Variants in UQCC1 observed in about 807,000 individuals in gnomAD.
UQCC1 encodes bFGF-repressed Zic-binding protein.
UQCC1 carries 38 observed loss-of-function variants against 48.0 expected under a neutral mutation model. The ratio of observed to expected loss-of-function variants is 0.79; its 90% confidence interval spans 0.61 to 1.04. The LOEUF is 1.04. Ranked by LOEUF, UQCC1 falls within the 50% of genes least tolerant of loss-of-function variation. UQCC1 has a pLI of 0.00. For synonymous variants in UQCC1, 111 were observed against 129.2 expected (o/e 0.86, Z 0.95); for missense variants, 368 against 381.8 (o/e 0.96, Z 0.30).
chr20:35,405,707 G>A (rs1301368245), intron 1 of UQCC1, among the ~76,000 whole-genome samples: 1 of 152,154 alleles, frequency 6.6e-6, no homozygotes, highest in Non-Finnish European at 1.5e-5. Context: ...GGCCAACATG[G>A]TGAAACCCCA....
At chr20:35,335,907 G>C (rs1354241841) in intron 7 of UQCC1, among the ~76,000 whole-genome samples, 1 of 152,194 alleles carries the variant, frequency 6.6e-6, no homozygotes, top group African/African-American at 2.4e-5. Flanking sequence ...GCTAGGCGTG[G>C]TGGCTTATGC....
At chr20:35,344,902 G>A (rs1010026013) in intron 7 of UQCC1, 5 of 152,260 alleles carry the variant, frequency 3.3e-5, no homozygotes, top group African/African-American at 1.2e-4. Flanking sequence ...CAACCTCCAA[G>A]GAGGGCAGAG....
chr20:35,346,567 C>G (rs1017081267), intron 7 of UQCC1: 1 of 163,194 alleles, frequency 6.1e-6, no homozygotes, highest in Non-Finnish European at 1.4e-5. Context: ...GTATAACCAG[C>G]TATATTCTAG....
At chr20:35,393,991 G>A (rs940083991) in intron 2 of UQCC1, 101 bp downstream of exon 2, 8 of 1,155,884 alleles carry the variant, frequency 6.9e-6, no homozygotes, top group Non-Finnish European at 1.0e-5. Context: ...GTCTCATGAG[G>A]TTTTTCCATC....
intron 2 of UQCC1, among the ~76,000 whole-genome samples, chr20:35,388,027 C>T (rs1294062600): frequency 6.6e-6 from 1 of 151,522 alleles, no homozygotes; most frequent in African/African-American, 2.4e-5. Context: ...TGTGCCCAGG[C>T]TGGAATGCGG....
At position 35,336,574 on chromosome 20, in the gene UQCC1, G is replaced by C. The variant is rs374993354; in HGVS notation, c.573+10590C>G. On this transcript the variant is annotated intron_variant, in intron 7 of 9. Transcript: ENST00000374385. ...CAGCAGCCACCAAGAGCTGGAAGGGGCAAGAGTCTCCCCTAGAACCTCCAG... is the reference window on the plus strand; with the variant it reads ...CAGCAGCCACCAAGAGCTGGAAGGGCCAAGAGTCTCCCCTAGAACCTCCAG... Among the ~76,000 whole-genome samples, 3 of 152,196 alleles carry C rather than the reference G, an allele frequency of 2.0e-5. No homozygotes were observed. The South Asian group carries it at 6.2e-4, about 32-fold the overall frequency.
intron 7 of UQCC1, chr20:35,345,407 T>A (rs1041326461): frequency 6.6e-6 from 1 of 152,212 alleles, no homozygotes; most frequent in African/African-American, 2.4e-5. Context: ...CTCTCCAGAA[T>A]TGACTGCCTG....
rs372693374 is a variant in UQCC1 at position 35,307,221 on chromosome 20, T to C, written c.652-442A>G. 233 of 268,980 alleles carry C rather than the reference T, an allele frequency of 8.7e-4. 1 individual carries two copies. The highest frequency in any genetic ancestry group is 5.0e-3 in the African/African-American group (227 of 45,402). 16.7% of individuals were successfully genotyped at this position (268,980 alleles called of 1,614,324 possible). ...TTTCTCCCAGGAATGGAGGTGGGCA[T>C]GGACTGTGCCTTCTTGCTTGGTCCA... On this transcript the variant is annotated intron_variant, in intron 8 of 9. Coordinates refer to ENST00000374385, the MANE Select transcript of UQCC1 (RefSeq NM_018244.5).
At chr20:35,321,656 A>G (rs1475236199) in intron 7 of UQCC1, among the ~76,000 whole-genome samples, 2 of 152,208 alleles carry the variant, frequency 1.3e-5, no homozygotes, top group Admixed American at 6.5e-5. Flanking sequence ...GGAGTTCAAG[A>G]CTAGCCTGGA....
chr20:35,382,132 G>A, intron 3 of UQCC1, 107 bp from the exon 4 acceptor site: 4 of 633,458 alleles, frequency 6.3e-6, no homozygotes, highest in Non-Finnish European at 1.1e-5. Context: ...ATACAGTCAG[G>A]GTCTCCTCCC....
At chr20:35,404,074 A>G (rs11908107) in intron 1 of UQCC1, among the ~76,000 whole-genome samples, 1,938 of 152,072 alleles carry the variant, frequency 0.013, 43 homozygotes, top group African/African-American at 0.045. Context: ...CATCTCTACT[A>G]AAAATACAAA....
At chr20:35,385,755 T>C (rs1227773534) in intron 2 of UQCC1, among the ~76,000 whole-genome samples, 1 of 151,998 alleles carries the variant, frequency 6.6e-6, no homozygotes, top group African/African-American at 2.4e-5. Flanking sequence ...TCTTCCTGCC[T>C]TGAACTCCCA....
chr20:35,374,072 G>A, intron 5 of UQCC1, 112 bp downstream of exon 5: 1 of 754,948 alleles, frequency 1.3e-6, no homozygotes, highest in East Asian at 2.6e-5. Flanking sequence ...TATGCTTTGT[G>A]CAGGAAAAAC....
rs768129944 is a variant in UQCC1, at chr20:35,381,943, G to A, written c.308C>T (p.Thr103Met). ...FTKIIEAMGF[T>M]GPLKYSKWKI... ...CCATTTACTGTATTTCAAAGGTCCC[G>A]TGAATCCCATGGCTTCTATTATCTT... Residue 103 changes from threonine to methionine, a missense_variant, in exon 4 of 10, where the codon ACG (threonine) becomes ATG (methionine). Transcript: ENST00000374385. 47 of 1,609,784 alleles carry A rather than the reference G, an allele frequency of 2.9e-5. No homozygotes were observed. The East Asian group carries it at 7.6e-4, about 26-fold the overall frequency.
At chr20:35,316,588 T>C (rs11697161) in intron 7 of UQCC1, among the ~76,000 whole-genome samples, 202 of 152,302 alleles carry the variant, frequency 1.3e-3, no homozygotes, top group Middle Eastern at 6.8e-3. Context: ...GTTCAAGTGA[T>C]AGTTTTGCTA....
intron 3 of UQCC1, among the ~76,000 whole-genome samples, chr20:35,382,794 G>A (rs2061891803): frequency 6.6e-6 from 1 of 152,086 alleles, no homozygotes; most frequent in African/African-American, 2.4e-5. Context: ...ACAGGCGTGA[G>A]CCACCGCGCC....
At chr20:35,356,448 GA>G (rs11475597) in intron 6 of UQCC1, among the ~76,000 whole-genome samples, 79,408 of 150,668 alleles carry the variant, frequency 0.53, 22,422 homozygotes, top group East Asian at 0.72. Flanking sequence ...AAGAAAGAAA[GA>G]AAAAAAAAAC....
chr20:35,333,768 T>C (rs958909310), intron 7 of UQCC1, among the ~76,000 whole-genome samples: 1 of 152,196 alleles, frequency 6.6e-6, no homozygotes. Context: ...CCAAATTACA[T>C]GTAAAATAAA....
At chr20:35,326,473 A>G (rs1178745311) in intron 7 of UQCC1, among the ~76,000 whole-genome samples, 1 of 152,224 alleles carries the variant, frequency 6.6e-6, no homozygotes, top group African/African-American at 2.4e-5. Flanking sequence ...TACTTGGATA[A>G]GATGTAATAT....
Sources: gnomAD v4.1 joint callset for allele counts (sites outside exome capture counted in the v4.1 genomes callset) on GRCh38, gnomAD v4.1.1 for gene constraint, MANE v1.5 for transcripts, NCBI Gene and HGNC (gene_info 2026-07-23, HGNC 2026-07-21) for gene names.